The following NDUFAF5 variants were observed in gnomAD, a reference collection of about 807,000 sequenced individuals.
The protein encoded by NDUFAF5 is NADH:ubiquinone oxidoreductase complex assembly factor 5.
In NDUFAF5, 34 loss-of-function variants were observed where a neutral mutation model predicts 48.9. The observed-to-expected ratio is 0.70, with a 90% CI of 0.53 to 0.93. The LOEUF is 0.93. NDUFAF5 is among the 40% of genes least tolerant of loss of function. The pLI, the probability that NDUFAF5 is intolerant of heterozygous loss-of-function variation, is 0.00. For synonymous variants in NDUFAF5, 153 were observed against 150.6 expected (o/e 1.02, Z -0.12); for missense variants, 428 against 427.5 (o/e 1.00, Z -0.01).
intron 5 of NDUFAF5, among the ~76,000 whole-genome samples, chr20:13,796,091 G>T (rs1307134500): frequency 6.6e-6 from 1 of 152,148 alleles, no homozygotes; most frequent in East Asian, 1.9e-4. Context: ...TCTTTCAGAA[G>T]TTCAGCAGGC....
chr20:13,795,617 G>A (rs759772184), intron 5 of NDUFAF5, among the ~76,000 whole-genome samples: 12 of 152,066 alleles, frequency 7.9e-5, no homozygotes, highest in Non-Finnish European at 1.5e-4. Flanking sequence ...CCAGGAGTTC[G>A]AGACCAGCCT....
chr20:13,802,928 C>G (rs752829846), intron 7 of NDUFAF5, among the ~76,000 whole-genome samples: 5 of 152,162 alleles, frequency 3.3e-5, no homozygotes, highest in Admixed American at 6.5e-5. Flanking sequence ...GAGATCAGTC[C>G]AGTAGACTTA....
At chr20:13,797,011 T>C (rs1225237345) in intron 5 of NDUFAF5, among the ~76,000 whole-genome samples, 1 of 152,170 alleles carries the variant, frequency 6.6e-6, no homozygotes, top group Non-Finnish European at 1.5e-5. Context: ...TAAGTTTCAG[T>C]GTATACAGCT....
intron 8 of NDUFAF5, among the ~76,000 whole-genome samples, chr20:13,809,888 T>C (rs1985616340): frequency 6.6e-6 from 1 of 152,204 alleles, no homozygotes. Context: ...GAGAAAGACA[T>C]TTGAAGCTTA....
chr20:13,789,974 CA>C (rs1982003684), intron 3 of NDUFAF5, among the ~76,000 whole-genome samples: 1 of 152,116 alleles, frequency 6.6e-6, no homozygotes, highest in Non-Finnish European at 1.5e-5. Flanking sequence ...CAAGGATTCT[CA>C]GGGGGCACAG....
At position 13,788,597 on chromosome 20, in the gene NDUFAF5, C is replaced by G. The variant is rs747045458; in HGVS notation, c.272C>G (p.Pro91Arg). ...DRVYDIPRNFPLALDLGCGRG... is the reference protein window; with the variant it reads ...DRVYDIPRNFRLALDLGCGRG... ...TGTGTCTTTTTTTTTAGAAATTTCC[C>G]CCTTGCTTTGGATCTTGGTTGTGGA... The change falls in exon 3 of 11, where the codon CCC becomes CGC. Residue 91 changes from proline (P) to arginine (R), a missense_variant. Coordinates refer to ENST00000378106, the MANE Select transcript of NDUFAF5 (RefSeq NM_024120.5). 6.2e-7 allele frequency: 1 copy of G among 1,611,196 alleles called. No homozygotes were observed. Among genetic ancestry groups the G allele is most frequent in the Non-Finnish European group, 8.5e-7 (1 of 1,177,586 alleles).
intron 7 of NDUFAF5, among the ~76,000 whole-genome samples, chr20:13,807,417 G>A (rs1394905035): frequency 6.6e-6 from 1 of 151,852 alleles, no homozygotes; most frequent in Non-Finnish European, 1.5e-5. Flanking sequence ...CATCGTTTCA[G>A]ATCCACTTTT....
chr20:13,785,389 C>T, intron 1 of NDUFAF5, 99 bp downstream of exon 1: 2 of 1,034,616 alleles, frequency 1.9e-6, no homozygotes, highest in South Asian at 1.5e-5. Flanking sequence ...CCCACCTAGC[C>T]GTCTGACCTT....
intron 8 of NDUFAF5, among the ~76,000 whole-genome samples, chr20:13,813,727 C>G (rs1296167980): frequency 6.6e-6 from 1 of 152,190 alleles, no homozygotes; most frequent in East Asian, 1.9e-4. Context: ...TGAGTTTGCC[C>G]GGAGAATGAA....
chr20:13,813,914 A>G (rs1223238129), intron 8 of NDUFAF5, among the ~76,000 whole-genome samples: 1 of 152,148 alleles, frequency 6.6e-6, no homozygotes, highest in Non-Finnish European at 1.5e-5. Context: ...TTTTTTTCAG[A>G]TTAGCGTTGT....
In NDUFAF5 at chr20:13,785,249, C is replaced by T. The variant is rs200744738; in HGVS notation, c.181C>T (p.Arg61Trp). The change falls in exon 1 of 11, where the codon CGG (arginine) becomes TGG (tryptophan). Residue 61 changes from arginine to tryptophan, a missense_variant. Physicochemically the swap from Arg to Trp is moderately radical, Grantham distance 101. Transcript: ENST00000378106. ...AAGGAAACAGAAGAACTGGGCAGCC[C>T]GGCAGCCCGAGCCGACCAAATTTGA... ...LKRKQKNWAA[R>W]QPEPTKFDYL... is the part of the protein sequence containing the mutation. The T allele has an allele frequency of 3.1e-5, 50 of 1,613,218 alleles. No individual in the cohort carries two copies. In the African/African-American group the frequency reaches 5.6e-4, roughly 18 times the overall value.
chr20:13,815,925 A>G (rs938122989), intron 8 of NDUFAF5: 2 of 140,634 alleles, frequency 1.4e-5, no homozygotes, highest in African/African-American at 5.7e-5. Context: ...GAATGCACAT[A>G]ATTCTTTCCT....
chr20:13,813,258 C>T (rs1427437613), intron 8 of NDUFAF5, among the ~76,000 whole-genome samples: 2 of 152,076 alleles, frequency 1.3e-5, no homozygotes, highest in Non-Finnish European at 2.9e-5. Context: ...TTAAATAGAC[C>T]GTATATTTTC....
chr20:13,809,024 G>A (rs1985479010), intron 8 of NDUFAF5, 122 bp downstream of exon 8: 9 of 705,826 alleles, frequency 1.3e-5, no homozygotes, highest in Non-Finnish European at 2.3e-5. Flanking sequence ...ACTGGGCAAA[G>A]CACTAGGGAT....
At chr20:13,805,437 A>C (rs990684222) in intron 7 of NDUFAF5, among the ~76,000 whole-genome samples, 1 of 152,240 alleles carries the variant, frequency 6.6e-6, no homozygotes, top group Admixed American at 6.5e-5. Context: ...ATTGGGAAAT[A>C]TAATTCAGAA....
intron 5 of NDUFAF5, 100 bp downstream of exon 5, chr20:13,795,041 C>A: frequency 1.2e-6 from 1 of 806,246 alleles, no homozygotes; most frequent in Non-Finnish European, 2.1e-6. Flanking sequence ...GCCTGTAATG[C>A]TAGCACTTTG....
intron 6 of NDUFAF5, 63 bp from the exon 7 acceptor site, chr20:13,801,419 ATATT>A (rs919404073): frequency 2.0e-6 from 2 of 990,320 alleles, no homozygotes; most frequent in Non-Finnish European, 3.0e-6. Context: ...TAGACACTAT[ATATT>A]TATTTTTTAA....
intron 6 of NDUFAF5, 23 bp from the exon 7 acceptor site, chr20:13,801,463 T>G: frequency 1.4e-6 from 2 of 1,474,736 alleles, no homozygotes; most frequent in Non-Finnish European, 1.9e-6. Context: ...TTGAATCATT[T>G]TGTTTTCTTG....
chr20:13,792,588 T>C (rs1027006069), intron 3 of NDUFAF5, among the ~76,000 whole-genome samples: 4 of 152,128 alleles, frequency 2.6e-5, no homozygotes, highest in African/African-American at 9.7e-5. Flanking sequence ...TTGGAAAGCT[T>C]GTGCCTGTTG....
Sources: allele counts gnomAD v4.1 joint callset (sites outside exome capture counted in the v4.1 genomes callset), GRCh38; gene constraint gnomAD v4.1.1; transcripts MANE v1.5; gene names NCBI Gene and HGNC (gene_info 2026-07-23, HGNC 2026-07-21).